The following CNTN5 variants were observed in gnomAD, a reference collection of about 807,000 sequenced individuals.
The protein encoded by CNTN5 is contactin 5.
CNTN5 carries 77 observed loss-of-function variants against 129.1 expected under a neutral mutation model. The ratio of observed to expected loss-of-function variants is 0.60; its 90% confidence interval spans 0.50 to 0.72. The LOEUF (loss-of-function observed/expected upper bound fraction) is 0.72. Among genes scored for constraint, CNTN5 ranks in the 30% least tolerant of loss-of-function variants. The pLI, the probability that CNTN5 is intolerant of heterozygous loss-of-function variation, is 0.00. For missense variants in CNTN5, 1,478 were observed against 1,328.8 expected, an observed-to-expected ratio of 1.11 and a Z score of -1.75; for synonymous variants, 509 against 465.6, an observed-to-expected ratio of 1.09 and a Z score of -1.20.
intron 2 of CNTN5, among the ~76,000 whole-genome samples, chr11:99,439,486 T>C (rs1943732610): frequency 6.6e-6 from 1 of 151,868 alleles, no homozygotes; most frequent in African/African-American, 2.4e-5. Context: ...GGTGGCCGGA[T>C]CACCTGAGGT....
chr11:99,523,084 A>G (rs991372178), intron 2 of CNTN5, among the ~76,000 whole-genome samples: 1 of 152,232 alleles, frequency 6.6e-6, no homozygotes, highest in African/African-American at 2.4e-5. Flanking sequence ...TCTACATTCT[A>G]TCAAGCTATC....
At chr11:99,695,462 A>C (rs918212959) in intron 3 of CNTN5, among the ~76,000 whole-genome samples, 4 of 152,186 alleles carry the variant, frequency 2.6e-5, no homozygotes, top group Non-Finnish European at 4.4e-5. Flanking sequence ...GTTGGAGATT[A>C]TTCAGCTTTA....
At chr11:99,082,214 T>C (rs1270079847) in intron 1 of CNTN5, among the ~76,000 whole-genome samples, 8 of 133,840 alleles carry the variant, frequency 6.0e-5, no homozygotes, top group Admixed American at 2.4e-4. Flanking sequence ...TGAGACTGAG[T>C]CTTGCCCTGT....
At chr11:100,288,620 G>A (rs1158285035) in intron 18 of CNTN5, among the ~76,000 whole-genome samples, 2 of 151,800 alleles carry the variant, frequency 1.3e-5, no homozygotes, top group African/African-American at 2.4e-5. Flanking sequence ...TGTGTACAGG[G>A]AAATTTATAG....
At chr11:99,400,028 C>T (rs974270453) in intron 2 of CNTN5, among the ~76,000 whole-genome samples, 4 of 151,944 alleles carry the variant, frequency 2.6e-5, no homozygotes, top group African/African-American at 9.7e-5. Context: ...AGTAATTGTA[C>T]AATGGTACTT....
chr11:99,437,800 G>T (rs1478363879), intron 2 of CNTN5, among the ~76,000 whole-genome samples: 1 of 151,996 alleles, frequency 6.6e-6, no homozygotes, highest in Non-Finnish European at 1.5e-5. Flanking sequence ...TCCAGCCTGG[G>T]CAAAAAAGCG....
chr11:100,205,225 A>G (rs73000867), intron 15 of CNTN5, among the ~76,000 whole-genome samples: 3,596 of 152,002 alleles, frequency 0.024, 61 homozygotes, highest in Middle Eastern at 0.055. Context: ...TCATTTTGCA[A>G]TTTCTCTTTC....
chr11:99,661,733 T>A (rs915882504), intron 3 of CNTN5, among the ~76,000 whole-genome samples: 1 of 152,066 alleles, frequency 6.6e-6, no homozygotes, highest in African/African-American at 2.4e-5. Context: ...CTAATATAAA[T>A]GTATCAAAGA....
chr11:99,780,009 G>T (rs544392408), intron 3 of CNTN5, among the ~76,000 whole-genome samples: 1 of 151,916 alleles, frequency 6.6e-6, no homozygotes, highest in African/African-American at 2.4e-5. Flanking sequence ...ATACGTATAC[G>T]TGAAGAGGGA....
At chr11:99,650,639 T>C (rs754396663) in intron 3 of CNTN5, among the ~76,000 whole-genome samples, 14 of 151,990 alleles carry the variant, frequency 9.2e-5, no homozygotes, top group Non-Finnish European at 1.8e-4. Context: ...GTTGCTCTTC[T>C]CTAATACTCA....
At chr11:99,223,948 C>G (rs902148696) in intron 1 of CNTN5, among the ~76,000 whole-genome samples, 3 of 152,118 alleles carry the variant, frequency 2.0e-5, no homozygotes, top group African/African-American at 7.2e-5. Flanking sequence ...TCCAAGTATA[C>G]TCATTCCTTG....
chr11:99,586,578 C>T (rs1271855091), intron 3 of CNTN5, among the ~76,000 whole-genome samples: 1 of 152,088 alleles, frequency 6.6e-6, no homozygotes, highest in African/African-American at 2.4e-5. Context: ...TAGTACAATA[C>T]CTGAAACATA....
intron 1 of CNTN5, among the ~76,000 whole-genome samples, chr11:99,195,162 G>T (rs1465036059): frequency 6.6e-6 from 1 of 152,008 alleles, no homozygotes; most frequent in Admixed American, 6.6e-5. Context: ...TTATTTATTT[G>T]CATTTTGATT....
intron 8 of CNTN5, among the ~76,000 whole-genome samples, chr11:100,000,802 C>A (rs1014716821): frequency 6.6e-6 from 1 of 152,186 alleles, no homozygotes; most frequent in African/African-American, 2.4e-5. Context: ...TGAACTCTTG[C>A]CTTCTGCACA....
At chr11:99,617,779 C>T (rs904764798) in intron 3 of CNTN5, among the ~76,000 whole-genome samples, 11 of 152,076 alleles carry the variant, frequency 7.2e-5, no homozygotes, top group African/African-American at 2.4e-4. Context: ...ACCACTGAGA[C>T]AAATGAGTCG....
At chr11:99,818,145 T>A (rs1946654314) in intron 3 of CNTN5, among the ~76,000 whole-genome samples, 1 of 152,222 alleles carries the variant, frequency 6.6e-6, no homozygotes, top group Non-Finnish European at 1.5e-5. Context: ...GCATAATTAT[T>A]CTAAATAATT....
chr11:100,201,520 C>T (rs1452832432), intron 15 of CNTN5, among the ~76,000 whole-genome samples: 2 of 151,916 alleles, frequency 1.3e-5, no homozygotes, highest in Non-Finnish European at 2.9e-5. Context: ...ACCATCTTTT[C>T]TCAGTATTCA....
chr11:99,746,330 C>G (rs1320665089), intron 3 of CNTN5, among the ~76,000 whole-genome samples: 1 of 152,154 alleles, frequency 6.6e-6, no homozygotes, highest in Non-Finnish European at 1.5e-5. Context: ...TGAAGAGACT[C>G]TGTTTCTCAG....
At chr11:99,088,479 T>C (rs538801124) in intron 1 of CNTN5, among the ~76,000 whole-genome samples, 143 of 152,198 alleles carry the variant, frequency 9.4e-4, no homozygotes, top group African/African-American at 3.4e-3. Flanking sequence ...AAATTAAAAG[T>C]AAAAATAAGG....
Sources: allele counts gnomAD v4.1 joint callset (sites outside exome capture counted in the v4.1 genomes callset), GRCh38; gene constraint gnomAD v4.1.1; transcripts MANE v1.5; gene names NCBI Gene and HGNC (gene_info 2026-07-23, HGNC 2026-07-21).